Variants in CABCOCO1 observed in about 807,000 individuals in gnomAD.
CABCOCO1 encodes the protein ciliary-associated calcium-binding coiled-coil protein 1.
Under a neutral mutation model 35.7 loss-of-function variants are expected in CABCOCO1, and 28 were observed. The observed-to-expected ratio is 0.78, with a 90% CI of 0.58 to 1.07. The LOEUF is 1.07. CABCOCO1 is among the 50% of genes least tolerant of loss of function. The pLI is 0.00. For synonymous variants in CABCOCO1, 95 were observed against 100.1 expected, an observed-to-expected ratio of 0.95 and a Z score of 0.30; for missense variants, 326 against 309.2, an observed-to-expected ratio of 1.05 and a Z score of -0.41.
intron 5 of CABCOCO1, 144 bp downstream of exon 5, chr10:61,690,765 A>G: frequency 1.8e-6 from 1 of 542,584 alleles, no homozygotes; most frequent in Non-Finnish European, 3.3e-6. Context: ...TGCAAAAAGA[A>G]TAATTATATA....
At chr10:61,711,991 T>C (rs1272218485) in intron 5 of CABCOCO1, among the ~76,000 whole-genome samples, 1 of 152,190 alleles carries the variant, frequency 6.6e-6, no homozygotes, top group Non-Finnish European at 1.5e-5. Flanking sequence ...CCTTTGGTTA[T>C]ATACCTAGTA....
At chr10:61,668,101 A>G (rs1409763813) in intron 1 of CABCOCO1, among the ~76,000 whole-genome samples, 2 of 151,830 alleles carry the variant, frequency 1.3e-5, no homozygotes, top group African/African-American at 4.8e-5. Flanking sequence ...TATATATTTA[A>G]ATAATCATAT....
At chr10:61,755,470 T>A (rs201724385) in intron 5 of CABCOCO1, among the ~76,000 whole-genome samples, 11 of 152,234 alleles carry the variant, frequency 7.2e-5, no homozygotes, top group South Asian at 4.1e-4. Context: ...ACTTTGACAT[T>A]TTATACTAAG....
At chr10:61,720,801 T>C (rs1260151071) in intron 5 of CABCOCO1, among the ~76,000 whole-genome samples, 1 of 151,924 alleles carries the variant, frequency 6.6e-6, no homozygotes, top group Admixed American at 6.6e-5. Flanking sequence ...TATATAGCGG[T>C]GAACCTCCAT....
chr10:61,730,872 G>A (rs4562768), intron 5 of CABCOCO1, among the ~76,000 whole-genome samples: 65,502 of 151,470 alleles, frequency 0.43, 15,929 homozygotes, highest in Non-Finnish European at 0.55. Flanking sequence ...CAGCCCCAAA[G>A]AGGGAGATTC....
At chr10:61,672,591 C>A in intron 1 of CABCOCO1, 41 bp from the exon 2 acceptor site, 1 of 488,534 alleles carries the variant, frequency 2.0e-6, no homozygotes, top group Non-Finnish European at 2.7e-6. Flanking sequence ...ATATATGAAA[C>A]GTACAATTAA....
At chr10:61,712,897 G>C (rs1325536618) in intron 5 of CABCOCO1, among the ~76,000 whole-genome samples, 4 of 152,150 alleles carry the variant, frequency 2.6e-5, no homozygotes, top group Non-Finnish European at 5.9e-5. Context: ...ATGCTGTTTT[G>C]GTTACTGTAG....
intron 5 of CABCOCO1, among the ~76,000 whole-genome samples, chr10:61,735,813 C>G (rs950434139): frequency 1.3e-5 from 2 of 152,200 alleles, no homozygotes; most frequent in Admixed American, 1.3e-4. Context: ...TAATTCCTTC[C>G]CATAGCAGTT....
chr10:61,699,913 A>G lies in CABCOCO1; in HGVS notation c.552+9292A>G, dbSNP rs138882273. Among the ~76,000 whole-genome samples the G allele has an allele frequency of 4.0e-3, 611 of 152,262 alleles. 6 individuals are homozygous for G. The highest frequency in any genetic ancestry group is 0.014 in the African/African-American group (579 of 41,558). On this transcript the variant is annotated intron_variant, in intron 5 of 7. Transcript: ENST00000648843. ...GTTACATACATTCACCTAGTGTTCA[A>G]TAATTGTTCACTAAATCAATTAATG... is the stretch of plus-strand genomic sequence containing the variant.
intron 5 of CABCOCO1, 69 bp downstream of exon 5, chr10:61,690,690 C>A: frequency 2.0e-6 from 2 of 988,348 alleles, no homozygotes; most frequent in Non-Finnish European, 3.1e-6. Flanking sequence ...GCATCTGGAT[C>A]TTTAACTGCT....
chr10:61,691,240 A>T (rs1840130852), intron 5 of CABCOCO1, among the ~76,000 whole-genome samples: 1 of 152,132 alleles, frequency 6.6e-6, no homozygotes, highest in South Asian at 2.1e-4. Flanking sequence ...GGGTTGATGT[A>T]GTTACTACAA....
intron 5 of CABCOCO1, among the ~76,000 whole-genome samples, chr10:61,741,253 C>T (rs1305134712): frequency 2.0e-5 from 3 of 151,944 alleles, no homozygotes; most frequent in African/African-American, 7.3e-5. Flanking sequence ...TTCTGCATTG[C>T]TTATTATTAA....
chr10:61,686,011 T>C, intron 3 of CABCOCO1, 30 bp from the exon 4 acceptor site: 13 of 1,561,442 alleles, frequency 8.3e-6, no homozygotes, highest in Non-Finnish European at 1.0e-5. Flanking sequence ...ATCAAAATAA[T>C]AATTAAGATT....
intron 7 of CABCOCO1, among the ~76,000 whole-genome samples, chr10:61,763,458 T>C (rs533407360): frequency 6.6e-6 from 1 of 152,152 alleles, no homozygotes; most frequent in South Asian, 2.1e-4. Flanking sequence ...ATAGTTTAGG[T>C]ATTTTAATTT....
chr10:61,704,124 TGA>T (rs1840537932), intron 5 of CABCOCO1, among the ~76,000 whole-genome samples: 1 of 152,066 alleles, frequency 6.6e-6, no homozygotes, highest in Admixed American at 6.5e-5. Context: ...CTCAGGAGGC[TGA>T]GTCAGGAGAA....
chr10:61,721,546 T>C (rs900449617), intron 5 of CABCOCO1, among the ~76,000 whole-genome samples: 3 of 152,124 alleles, frequency 2.0e-5, no homozygotes, highest in Admixed American at 6.5e-5. Context: ...GGCAAAGTAT[T>C]AGTAGAGTCT....
chr10:61,681,066 C>A, intron 2 of CABCOCO1, 77 bp from the exon 3 acceptor site: 1 of 828,614 alleles, frequency 1.2e-6, no homozygotes, highest in South Asian at 2.8e-5. Context: ...AGAAAAAGAC[C>A]TGTTTTCAAA....
At chr10:61,749,039 G>A (rs1373275109) in intron 5 of CABCOCO1, among the ~76,000 whole-genome samples, 8 of 151,856 alleles carry the variant, frequency 5.3e-5, no homozygotes, top group Non-Finnish European at 7.4e-5. Flanking sequence ...GTGAACAATC[G>A]GGCTATATTT....
At chr10:61,683,663 T>A (rs1839868422) in intron 3 of CABCOCO1, among the ~76,000 whole-genome samples, 1 of 152,250 alleles carries the variant, frequency 6.6e-6, no homozygotes, top group Non-Finnish European at 1.5e-5. Context: ...ATAAGTCTAG[T>A]ATGTTCTTTC....
Sources: allele counts gnomAD v4.1 joint callset (sites outside exome capture counted in the v4.1 genomes callset), GRCh38; gene constraint gnomAD v4.1.1; transcripts MANE v1.5; gene names NCBI Gene and HGNC (gene_info 2026-07-23, HGNC 2026-07-21).